The following DGKB variants were observed in gnomAD, a reference collection of about 807,000 sequenced individuals.
DGKB encodes 90 kDa diacylglycerol kinase.
In DGKB, 67 loss-of-function variants were observed where a neutral mutation model predicts 114.3. The ratio of observed to expected loss-of-function variants is 0.59; its 90% confidence interval spans 0.48 to 0.72. The LOEUF (loss-of-function observed/expected upper bound fraction) is 0.72, where lower values mean the gene tolerates loss of function less well. DGKB is among the 30% of genes least tolerant of loss of function. The probability of loss-of-function intolerance (pLI) is 0.00; values close to 1 mark genes in which losing one functional copy is unlikely to be tolerated. For missense variants in DGKB, 907 were observed against 975.2 expected (o/e 0.93, Z 0.93); for synonymous variants, 398 against 323.1 (o/e 1.23, Z -2.49).
chr7:14,920,304 A>T (rs925194053), intron 1 of DGKB, among the ~76,000 whole-genome samples: 4 of 152,216 alleles, frequency 2.6e-5, no homozygotes, highest in African/African-American at 7.2e-5. Context: ...CTTGAAACTC[A>T]ATCATAAGGA....
chr7:14,273,629 T>A (rs958422182), intron 23 of DGKB, among the ~76,000 whole-genome samples: 11 of 152,180 alleles, frequency 7.2e-5, no homozygotes, highest in African/African-American at 2.7e-4. Flanking sequence ...AATTTTCACG[T>A]GATAAGGTTC....
chr7:14,522,895 C>G (rs1023379957), intron 20 of DGKB, among the ~76,000 whole-genome samples: 2 of 152,044 alleles, frequency 1.3e-5, no homozygotes, highest in Non-Finnish European at 2.9e-5. Flanking sequence ...TATTCTTATA[C>G]AGATAAAAGA....
chr7:14,937,501 T>C (rs956433551), intron 1 of DGKB, among the ~76,000 whole-genome samples: 1 of 152,308 alleles, frequency 6.6e-6, no homozygotes, highest in East Asian at 1.9e-4. Flanking sequence ...TGTGTGTATA[T>C]GTATAATTTG....
At chr7:14,683,041 A>G (rs568569961) in intron 10 of DGKB, among the ~76,000 whole-genome samples, 200 bp from the exon 11 acceptor site, 125 of 152,306 alleles carry the variant, frequency 8.2e-4, no homozygotes, top group African/African-American at 2.9e-3. Context: ...AATATTATGC[A>G]TGTGAAAAAC....
At chr7:14,620,523 G>A (rs531776120) in intron 15 of DGKB, among the ~76,000 whole-genome samples, 1 of 151,782 alleles carries the variant, frequency 6.6e-6, no homozygotes, top group East Asian at 1.9e-4. Context: ...ATGAATGCAA[G>A]TGTGTGACAT....
intron 1 of DGKB, among the ~76,000 whole-genome samples, chr7:14,971,030 C>T (rs1382810392): frequency 6.6e-6 from 1 of 152,116 alleles, no homozygotes; most frequent in Non-Finnish European, 1.5e-5. Context: ...CTTTCATTTT[C>T]CCAAGGAGTC....
Position 14,607,455 on chromosome 7 carries a change from G to A in DGKB, c.1412C>T (p.Ser471Phe). The A allele has an allele frequency of 1.3e-6, 2 of 1,583,328 alleles. No individual in the cohort carries two copies. The highest frequency in any genetic ancestry group is 1.7e-6 in the Non-Finnish European group (2 of 1,153,884). ...LLNPRQVYSL[S>F]GNGPMPGLNF... ...TTACCCTGGCATTGGTCCATTTCCAGAAAGACTGTAAACCTGACGAGGATT... is the reference window on the plus strand; with the variant it reads ...TTACCCTGGCATTGGTCCATTTCCAAAAAGACTGTAAACCTGACGAGGATT... The change falls in exon 17 of 26, where the codon TCT becomes TTT. Residue 471 changes from serine to phenylalanine, a missense_variant. Physicochemically the swap from Ser to Phe is radical, Grantham distance 155. Transcript: ENST00000402815.
At chr7:14,472,768 G>A (rs184632441) in intron 21 of DGKB, among the ~76,000 whole-genome samples, 3 of 152,254 alleles carry the variant, frequency 2.0e-5, no homozygotes, top group East Asian at 3.9e-4. Flanking sequence ...ATGAGGAACT[G>A]GTTGGGAACT....
At chr7:14,705,723 T>A (rs1826093330) in intron 6 of DGKB, among the ~76,000 whole-genome samples, 1 of 150,626 alleles carries the variant, frequency 6.6e-6, no homozygotes, top group African/African-American at 2.4e-5. Context: ...CTAAGCTTCA[T>A]AAGTGAAGGA....
chr7:14,907,718 T>G (rs553014515), upstream of DGKB, among the ~76,000 whole-genome samples: 1 of 152,214 alleles, frequency 6.6e-6, no homozygotes, highest in Non-Finnish European at 1.5e-5. Flanking sequence ...AGAATCTGAA[T>G]GATTCTTAGG....
At chr7:14,417,699 T>C (rs1825921652) in intron 21 of DGKB, among the ~76,000 whole-genome samples, 2 of 140,526 alleles carry the variant, frequency 1.4e-5, no homozygotes, top group African/African-American at 2.5e-5. Flanking sequence ...GGTGATTTTT[T>C]ACTTTTTTTT....
intron 23 of DGKB, among the ~76,000 whole-genome samples, chr7:14,242,210 A>G (rs955407193): frequency 6.6e-6 from 1 of 152,124 alleles, no homozygotes; most frequent in Non-Finnish European, 1.5e-5. Context: ...GTGGTTACCA[A>G]TCTTGATCTT....
At position 14,497,373 on chromosome 7, in the gene DGKB, T is replaced by TA. The variant is rs527545339; in HGVS notation, c.1771-19149dup. On this transcript the variant is annotated intron_variant, in intron 20 of 25. Coordinates refer to ENST00000402815, the MANE Select transcript of DGKB (RefSeq NM_001350709.2). Reference sequence around the variant, plus strand: ...TTAAAATAAAACATAAGAAATGTTTTAAAAAAAGAAAAGTGAACATCTTTG... The same window carrying TA: ...TTAAAATAAAACATAAGAAATGTTTTAAAAAAAAGAAAAGTGAACATCTTTG... Among the ~76,000 whole-genome samples, 45 of 151,868 alleles carry TA rather than the reference T, an allele frequency of 3.0e-4. No individual in the cohort carries two copies. The South Asian group carries it at 7.7e-3, about 26-fold the overall frequency.
intron 5 of DGKB, among the ~76,000 whole-genome samples, chr7:14,725,557 A>AT (rs113491345): frequency 0.013 from 1,933 of 145,832 alleles, 34 homozygotes; most frequent in African/African-American, 0.044. Flanking sequence ...GGATATGTTG[A>AT]TTTTTTTTTT....
intron 13 of DGKB, among the ~76,000 whole-genome samples, chr7:14,647,560 A>C (rs1813308754): frequency 1.3e-5 from 2 of 152,366 alleles, no homozygotes; most frequent in Non-Finnish European, 1.5e-5. Flanking sequence ...TCCCTGATGA[A>C]TATGGGTGTA....
chr7:14,648,805 C>T (rs938701295), intron 13 of DGKB, among the ~76,000 whole-genome samples: 2 of 138,340 alleles, frequency 1.4e-5, no homozygotes, highest in African/African-American at 5.3e-5. Context: ...CTTAAAGGAG[C>T]TGATGGAGCT....
intron 16 of DGKB, among the ~76,000 whole-genome samples, chr7:14,610,478 G>A (rs185246481): frequency 2.6e-5 from 4 of 152,092 alleles, no homozygotes; most frequent in Admixed American, 2.6e-4. Flanking sequence ...ACCTGCACAT[G>A]TACCTCCTGT....
intron 8 of DGKB, among the ~76,000 whole-genome samples, chr7:14,695,020 A>G (rs1243896910): frequency 2.0e-5 from 3 of 152,206 alleles, no homozygotes; most frequent in Non-Finnish European, 2.9e-5. Context: ...ACGTCTTTAT[A>G]TAATACAAAA....
chr7:14,154,858 T>TTTTC (rs1782759144), intron 25 of DGKB, among the ~76,000 whole-genome samples: 1 of 151,734 alleles, frequency 6.6e-6, no homozygotes, highest in Non-Finnish European at 1.5e-5. Flanking sequence ...TTTTTTTTTT[T>TTTTC]TTCGTTACAC....
Sources: gnomAD v4.1 joint callset for allele counts (sites outside exome capture counted in the v4.1 genomes callset) on GRCh38, gnomAD v4.1.1 for gene constraint, MANE v1.5 for transcripts, NCBI Gene and HGNC (gene_info 2026-07-23, HGNC 2026-07-21) for gene names.